Variants in TNPO3 observed in about 807,000 individuals in gnomAD.
TNPO3 encodes the protein transportin 3.
In TNPO3, 65 loss-of-function variants were observed where a neutral mutation model predicts 122.8. The ratio of observed to expected loss-of-function variants is 0.53; its 90% confidence interval spans 0.43 to 0.65. The LOEUF (loss-of-function observed/expected upper bound fraction) is 0.65, where lower values mean the gene tolerates loss of function less well. Among genes scored for constraint, TNPO3 ranks in the 30% least tolerant of loss-of-function variants. TNPO3 has a pLI of 0.00. For missense variants in TNPO3, 850 were observed against 1,136.7 expected, an observed-to-expected ratio of 0.75 and a Z score of 3.63; for synonymous variants, 372 against 411.2, an observed-to-expected ratio of 0.90 and a Z score of 1.15.
intron 21 of TNPO3, among the ~76,000 whole-genome samples, chr7:128,959,537 C>T (rs997017620): frequency 2.6e-5 from 4 of 152,092 alleles, no homozygotes; most frequent in African/African-American, 7.2e-5. Context: ...CTTTGTGGCA[C>T]ATGAGAAAAA....
At chr7:129,021,942 T>G (rs1322670876) in intron 1 of TNPO3, among the ~76,000 whole-genome samples, 3 of 151,112 alleles carry the variant, frequency 2.0e-5, no homozygotes, top group Non-Finnish European at 3.0e-5. Context: ...AAAAGGAGTG[T>G]TTTTTTTTAA....
chr7:129,050,300 C>T lies in TNPO3; in HGVS notation c.120+4351G>A, dbSNP rs533073317. Among the ~76,000 whole-genome samples, 15 of 139,454 alleles carry T rather than the reference C, an allele frequency of 1.1e-4. No individual in the cohort carries two copies. The East Asian group carries it at 3.0e-3, about 28-fold the overall frequency. The allele number at this position is 139,454 out of a possible 152,430, so 91.5% of individuals were successfully genotyped here. On this transcript the variant is annotated intron_variant, in intron 1 of 22. Transcript: ENST00000265388. ...TCTGGAGGCTGAGGCAGGAGAATGG[C>T]GTGAACCCGGGAGGCGGAGCTTGCA...
chr7:128,969,442 C>T (rs904992416), intron 20 of TNPO3, among the ~76,000 whole-genome samples: 2 of 150,642 alleles, frequency 1.3e-5, no homozygotes, highest in African/African-American at 2.4e-5. Context: ...TAACTAGGTC[C>T]CAATGAGTAC....
chr7:128,990,002 C>A lies in TNPO3; in HGVS notation c.1457G>T (p.Gly486Val). The A allele has an allele frequency of 6.2e-7, 1 of 1,614,234 alleles. No homozygotes were observed. The highest frequency in any genetic ancestry group is 8.5e-7 in the Non-Finnish European group (1 of 1,180,046). Residue 486 changes from glycine (G) to valine (V), a missense_variant, in exon 11 of 23, where the codon GGA (glycine) becomes GTA (valine). Transcript: ENST00000265388. ...TCGATCAACGACTTCACTCATCTCT[C>A]CAACCAATTCAATGCTGGTGTATCG... Reference protein sequence around the residue: ...AVRYTSIELVGEMSEVVDRNP... With the variant: ...AVRYTSIELVVEMSEVVDRNP...
chr7:128,956,919 C>T (rs1442259325), intron 22 of TNPO3, among the ~76,000 whole-genome samples: 1 of 152,214 alleles, frequency 6.6e-6, no homozygotes, highest in Non-Finnish European at 1.5e-5. Context: ...GCCATGTACA[C>T]TTACCATCTT....
intron 15 of TNPO3, 41 bp from the exon 16 acceptor site, chr7:128,979,164 A>C: frequency 6.2e-7 from 1 of 1,609,328 alleles, no homozygotes. Context: ...AAAATAATCA[A>C]CAACTAGGAC....
At chr7:128,987,250 G>A (rs1467606047) in intron 11 of TNPO3, among the ~76,000 whole-genome samples, 1 of 152,160 alleles carries the variant, frequency 6.6e-6, no homozygotes, top group African/African-American at 2.4e-5. Flanking sequence ...ATATGGCAAT[G>A]TAAGAAAGAA....
intron 1 of TNPO3, among the ~76,000 whole-genome samples, chr7:129,043,818 T>C (rs1194072605): frequency 1.3e-5 from 2 of 152,236 alleles, no homozygotes; most frequent in African/African-American, 4.8e-5. Context: ...TAGGCAGTCT[T>C]GCTTTAAAAA....
At chr7:128,982,505 T>C (rs1423392806) in intron 13 of TNPO3, among the ~76,000 whole-genome samples, 181 bp from the exon 14 acceptor site, 1 of 152,244 alleles carries the variant, frequency 6.6e-6, no homozygotes, top group Non-Finnish European at 1.5e-5. Context: ...TGTCAAATTA[T>C]TTTCCTCCAT....
chr7:129,036,951 C>CA (rs967005671), intron 1 of TNPO3, among the ~76,000 whole-genome samples: 2 of 151,528 alleles, frequency 1.3e-5, no homozygotes, highest in Admixed American at 6.6e-5. Context: ...AGCACAAAGT[C>CA]AAAAAAAGGA....
chr7:129,019,090 A>G (rs954712214), intron 1 of TNPO3, among the ~76,000 whole-genome samples: 6 of 152,174 alleles, frequency 3.9e-5, no homozygotes, highest in African/African-American at 1.4e-4. Flanking sequence ...TTTTCAATGG[A>G]AAAATAAACT....
intron 1 of TNPO3, among the ~76,000 whole-genome samples, chr7:129,046,681 A>C: frequency 6.6e-6 from 1 of 152,350 alleles, no homozygotes; most frequent in African/African-American, 2.4e-5. Flanking sequence ...GACATACCCA[A>C]GCCTGGGTAA....
chr7:128,969,045 A>G (rs966864255), intron 20 of TNPO3, among the ~76,000 whole-genome samples: 2 of 152,146 alleles, frequency 1.3e-5, no homozygotes, highest in Non-Finnish European at 2.9e-5. Flanking sequence ...TACACTCCTT[A>G]GAGTACATGG....
intron 16 of TNPO3, among the ~76,000 whole-genome samples, chr7:128,977,260 C>T (rs900678018): frequency 6.6e-6 from 1 of 152,168 alleles, no homozygotes; most frequent in African/African-American, 2.4e-5. Flanking sequence ...AATTAAAAAA[C>T]AGTATCAAAG....
At chr7:129,055,438 T>A (rs1809376940), upstream of TNPO3, 2 of 156,080 alleles carry the variant, frequency 1.3e-5, no homozygotes, top group South Asian at 3.7e-4. Context: ...AATTCAACTC[T>A]CCCTAGAGTG....
At position 129,055,042 on chromosome 7, in the gene TNPO3, C is replaced by A; in HGVS notation, c.-272G>T. 2.3e-6 allele frequency: 1 copy of A among 429,826 alleles called. No individual in the cohort carries two copies. 26.6% of individuals were successfully genotyped at this position (429,826 alleles called of 1,614,324 possible). A position where few individuals can be genotyped will look rare whatever the true frequency, so the allele number is the denominator to read the frequency against. On this transcript the variant is annotated 5_prime_UTR_variant, in exon 1 of 23. Coordinates refer to ENST00000265388, the MANE Select transcript of TNPO3 (RefSeq NM_012470.4). Reference sequence around the variant, plus strand: ...AGTCCACAGATTCTGGCGCTCCCGTCTTCAGTCGCTGACTTGCCCTCAGAA... The same window carrying A: ...AGTCCACAGATTCTGGCGCTCCCGTATTCAGTCGCTGACTTGCCCTCAGAA...
At chr7:128,993,441 G>A (rs1800965927) in intron 9 of TNPO3, among the ~76,000 whole-genome samples, 1 of 152,160 alleles carries the variant, frequency 6.6e-6, no homozygotes, top group African/African-American at 2.4e-5. Context: ...ACCAGGAGTT[G>A]GTACGTAATT....
chr7:129,052,907 A>G (rs1225925150), intron 1 of TNPO3, among the ~76,000 whole-genome samples: 1 of 152,244 alleles, frequency 6.6e-6, no homozygotes, highest in Non-Finnish European at 1.5e-5. Flanking sequence ...TTGACTCTCC[A>G]GAGATCACAG....
intron 11 of TNPO3, among the ~76,000 whole-genome samples, chr7:128,988,216 T>C (rs1800374585): frequency 6.6e-6 from 1 of 152,008 alleles, no homozygotes; most frequent in South Asian, 2.1e-4. Context: ...ACTCAGATGA[T>C]CCTCTCGCCT....
Sources: allele counts gnomAD v4.1 joint callset (sites outside exome capture counted in the v4.1 genomes callset), GRCh38; gene constraint gnomAD v4.1.1; transcripts MANE v1.5; gene names NCBI Gene and HGNC (gene_info 2026-07-23, HGNC 2026-07-21).